The following PAK1 variants were observed in gnomAD, a reference collection of about 807,000 sequenced individuals.
PAK1 encodes serine/threonine-protein kinase PAK 1.
In PAK1, 29 loss-of-function variants were observed where a neutral mutation model predicts 67.4. The ratio of observed to expected loss-of-function variants is 0.43; its 90% CI spans 0.32 to 0.59. The LOEUF (loss-of-function observed/expected upper bound fraction) is 0.59. Ranked by LOEUF, PAK1 falls within the 20% of genes least tolerant of loss-of-function variation. The pLI, the probability that PAK1 is intolerant of heterozygous loss-of-function variation, is 0.07. For synonymous variants in PAK1, 223 were observed against 237.4 expected (o/e 0.94, Z 0.56); for missense variants, 337 against 670.7 (o/e 0.50, Z 5.50).
chr11:77,475,073 T>C (rs1958037030), upstream of PAK1: 1 of 152,220 alleles, frequency 6.6e-6, no homozygotes, highest in Non-Finnish European at 1.5e-5. Context: ...TTTACCATGG[T>C]AATAGTAACA....
At chr11:77,518,119 C>G in the PAK1 span, among the ~76,000 whole-genome samples, 1 of 152,164 alleles carries the variant, frequency 6.6e-6, no homozygotes, top group South Asian at 2.1e-4. Context: ...TCAATAATCT[C>G]CACATAAAGT....
At chr11:77,325,136 CTAAGT>C (rs1276781853) in intron 14 of PAK1, among the ~76,000 whole-genome samples, 2 of 152,180 alleles carry the variant, frequency 1.3e-5, no homozygotes, top group African/African-American at 4.8e-5. Flanking sequence ...TGCAATTCCC[CTAAGT>C]TGAGAGCAGC....
At chr11:77,413,854 A>G (rs1386207161) in intron 1 of PAK1, among the ~76,000 whole-genome samples, 1 of 152,154 alleles carries the variant, frequency 6.6e-6, no homozygotes, top group African/African-American at 2.4e-5. Flanking sequence ...CTTCATCCCA[A>G]TTTACACAGG....
chr11:77,495,230 T>C, the PAK1 span, among the ~76,000 whole-genome samples: 1,185 of 151,696 alleles, frequency 7.8e-3, 8 homozygotes, highest in Non-Finnish European at 0.012. Context: ...TCCCAGCACT[T>C]TGGGAGACCA....
chr11:77,502,322 G>T, the PAK1 span, among the ~76,000 whole-genome samples: 23 of 152,230 alleles, frequency 1.5e-4, no homozygotes, highest in South Asian at 8.3e-4. Context: ...TGTCATTAAA[G>T]ACTTCATAAA....
intron 1 of PAK1, among the ~76,000 whole-genome samples, chr11:77,416,642 A>G (rs1375142598): frequency 1.3e-5 from 2 of 152,198 alleles, no homozygotes; most frequent in Non-Finnish European, 2.9e-5. Flanking sequence ...ATTTATCATC[A>G]TTATCAAGCA....
At chr11:77,409,968 T>C (rs1375032892) in intron 1 of PAK1, among the ~76,000 whole-genome samples, 1 of 152,162 alleles carries the variant, frequency 6.6e-6, no homozygotes, top group Non-Finnish European at 1.5e-5. Context: ...TTAACCTATA[T>C]AGTCCCCTTT....
chr11:77,338,609 A>T (rs968028694), intron 11 of PAK1, among the ~76,000 whole-genome samples: 9 of 152,186 alleles, frequency 5.9e-5, no homozygotes, highest in African/African-American at 2.2e-4. Context: ...ACCTGTAGTT[A>T]TATATCCAAG....
chr11:77,382,000 T>C (rs1383592115), intron 2 of PAK1, among the ~76,000 whole-genome samples: 2 of 152,214 alleles, frequency 1.3e-5, no homozygotes, highest in African/African-American at 4.8e-5. Context: ...CACTGGAACA[T>C]GTGGCAGGGC....
the PAK1 span, among the ~76,000 whole-genome samples, chr11:77,529,606 T>A: frequency 6.6e-6 from 1 of 152,176 alleles, no homozygotes; most frequent in Non-Finnish European, 1.5e-5. Flanking sequence ...CTCCAGGGGT[T>A]CACAATCACC....
chr11:77,348,261 T>C (rs957652886), intron 9 of PAK1, among the ~76,000 whole-genome samples: 18 of 152,210 alleles, frequency 1.2e-4, no homozygotes, highest in South Asian at 1.0e-3. Context: ...CTGGTACTCT[T>C]TGAAGTAAGA....
At chr11:77,408,532 T>TACACACACACAC (rs377689850) in intron 1 of PAK1, among the ~76,000 whole-genome samples, 19 of 137,948 alleles carry the variant, frequency 1.4e-4, no homozygotes, top group East Asian at 4.4e-4. Context: ...TATGGAGAAA[T>TACACACACACAC]ACACACACAC....
At chr11:77,399,396 A>G (rs1338099728) in intron 1 of PAK1, among the ~76,000 whole-genome samples, 3 of 152,250 alleles carry the variant, frequency 2.0e-5, no homozygotes, top group Non-Finnish European at 4.4e-5. Context: ...TATTAAGAGT[A>G]GCAGCTTAAA....
chr11:77,520,029 C>G, the PAK1 span, among the ~76,000 whole-genome samples: 1 of 152,206 alleles, frequency 6.6e-6, no homozygotes, highest in Non-Finnish European at 1.5e-5. Context: ...TGGCTCCACC[C>G]CATTCCCCCA....
chr11:77,406,489 A>G (rs1953583072), intron 1 of PAK1, among the ~76,000 whole-genome samples: 1 of 152,210 alleles, frequency 6.6e-6, no homozygotes, highest in Admixed American at 6.5e-5. Flanking sequence ...AAGAGTAAGC[A>G]CTCAAAGCCA....
At chr11:77,480,117 A>G in the PAK1 span, among the ~76,000 whole-genome samples, 13 of 152,078 alleles carry the variant, frequency 8.5e-5, no homozygotes, top group Admixed American at 4.6e-4. Context: ...TGTTTTAACT[A>G]TCTTTTCACT....
chr11:77,377,513 A>C (rs116506643), intron 4 of PAK1, among the ~76,000 whole-genome samples: 2,305 of 152,338 alleles, frequency 0.015, 50 homozygotes, highest in African/African-American at 0.053. Flanking sequence ...TACACTCAAT[A>C]TTATTCATAT....
rs556171430 is a variant in PAK1, at chr11:77,361,673, G to T, written c.478-2656C>A. Among the ~76,000 whole-genome samples the T allele has an allele frequency of 2.0e-5, 3 of 152,116 alleles. No individual in the cohort carries two copies. In the East Asian group the frequency reaches 5.8e-4, roughly 29 times the overall value. On this transcript the variant is annotated intron_variant, in intron 5 of 14. Coordinates refer to ENST00000356341, the MANE Select transcript of PAK1 (RefSeq NM_002576.5). ...CAAATTCCTATTTTATAACAAAATAGTGAAAAGCACCAAAGAAAATTTGCA... is the reference window on the plus strand; with the variant it reads ...CAAATTCCTATTTTATAACAAAATATTGAAAAGCACCAAAGAAAATTTGCA...
At chr11:77,469,686 A>C (rs1592593821) in intron 1 of PAK1, among the ~76,000 whole-genome samples, 1 of 147,122 alleles carries the variant, frequency 6.8e-6, no homozygotes, top group South Asian at 2.1e-4. Flanking sequence ...CTGTGAAGAG[A>C]CTTTTTTTTT....
Sources: allele counts gnomAD v4.1 joint callset (sites outside exome capture counted in the v4.1 genomes callset), GRCh38; gene constraint gnomAD v4.1.1; transcripts MANE v1.5; gene names NCBI Gene and HGNC (gene_info 2026-07-23, HGNC 2026-07-21).